The following TLK2 variants were observed in gnomAD, a reference collection of about 807,000 sequenced individuals.
TLK2 encodes the protein serine/threonine-protein kinase tousled-like 2.
TLK2 carries 6 observed loss-of-function variants against 117.3 expected under a neutral mutation model. The ratio of observed to expected loss-of-function variants is 0.05; its 90% CI spans 0.03 to 0.10. The LOEUF is 0.10. TLK2 is among the 10% of genes least tolerant of loss of function. The pLI, the probability that TLK2 is intolerant of heterozygous loss-of-function variation, is 1.00. For synonymous variants in TLK2, 257 were observed against 316.7 expected, an observed-to-expected ratio of 0.81 and a Z score of 2.00; for missense variants, 299 against 901.2, an observed-to-expected ratio of 0.33 and a Z score of 8.56.
chr17:62,553,857 T>A (rs1473214231), intron 9 of TLK2, 102 bp downstream of exon 9: 4 of 748,686 alleles, frequency 5.3e-6, no homozygotes, highest in African/African-American at 3.6e-5. Flanking sequence ...CAAATAACAA[T>A]GAAATAATAA....
At chr17:62,557,110 G>T (rs2146289209) in intron 9 of TLK2, among the ~76,000 whole-genome samples, 1 of 152,096 alleles carries the variant, frequency 6.6e-6, no homozygotes, top group Non-Finnish European at 1.5e-5. Flanking sequence ...TTTTTTGTAG[G>T]AACAGGGTCT....
intron 7 of TLK2, 151 bp from the exon 8 acceptor site, chr17:62,552,147 ACTTT>A: frequency 2.2e-6 from 2 of 889,966 alleles, no homozygotes; most frequent in Non-Finnish European, 3.5e-6. Context: ...GAATTGTTTT[ACTTT>A]CTTCTTGGCC....
chr17:62,585,955 A>G, intron 15 of TLK2, 180 bp from the exon 16 acceptor site: 1 of 506,460 alleles, frequency 2.0e-6, no homozygotes, highest in African/African-American at 1.9e-5. Flanking sequence ...GTGTCTGGAG[A>G]CTTCTAAATT....
chr17:62,590,670 G>A (rs1032437858), intron 16 of TLK2, among the ~76,000 whole-genome samples: 13 of 151,936 alleles, frequency 8.6e-5, no homozygotes, highest in Non-Finnish European at 1.5e-4. Context: ...TTTGAGATAG[G>A]GTCTCACTAT....
chr17:62,476,437 G>A (rs560342033), upstream of TLK2, among the ~76,000 whole-genome samples: 39 of 152,160 alleles, frequency 2.6e-4, no homozygotes, highest in South Asian at 8.3e-4. Flanking sequence ...CAAAAAATAA[G>A]CCAGGTGTGG....
intron 6 of TLK2, among the ~76,000 whole-genome samples, chr17:62,527,765 G>A (rs1356278325): frequency 6.7e-6 from 1 of 149,212 alleles, no homozygotes; most frequent in Non-Finnish European, 1.5e-5. Flanking sequence ...TTTTTGAGAC[G>A]GAGTTTCGCT....
At chr17:62,548,240 A>ATGTGTGTGTGTGTGTGTGTG (rs59375141) in intron 7 of TLK2, among the ~76,000 whole-genome samples, 11 of 121,234 alleles carry the variant, frequency 9.1e-5, no homozygotes, top group African/African-American at 3.1e-4. Context: ...ATATATATAT[A>ATGTGTGTGTGTGTGTGTGTG]TGTGTGTGTG....
chr17:62,499,551 G>A (rs570928989), intron 2 of TLK2, among the ~76,000 whole-genome samples: 1 of 151,810 alleles, frequency 6.6e-6, no homozygotes, highest in Non-Finnish European at 1.5e-5. Context: ...GCCATTTGTT[G>A]TATAGTATTA....
intron 2 of TLK2, among the ~76,000 whole-genome samples, chr17:62,490,745 T>G (rs2073028872): frequency 6.6e-6 from 1 of 152,126 alleles, no homozygotes; most frequent in Admixed American, 6.6e-5. Context: ...TTTCACCATG[T>G]TGGCCGGGCT....
intron 1 of TLK2, among the ~76,000 whole-genome samples, chr17:62,471,888 CTTTTTTTTTTTTTTTTT>C (rs869092720): frequency 7.9e-5 from 3 of 37,776 alleles, no homozygotes; most frequent in Non-Finnish European, 1.3e-4. Flanking sequence ...GTAGTATAGT[CTTTTTTTTTTTTTTTTT>C]TTTTTTTTTT....
intron 15 of TLK2, among the ~76,000 whole-genome samples, chr17:62,583,826 C>G (rs1197775062): frequency 6.6e-6 from 1 of 152,108 alleles, no homozygotes; most frequent in East Asian, 1.9e-4. Context: ...ATCTGCCTGC[C>G]TCGGCCTCCC....
chr17:62,489,144 C>T (rs2072817531), intron 2 of TLK2, among the ~76,000 whole-genome samples: 1 of 151,562 alleles, frequency 6.6e-6, no homozygotes, highest in Admixed American at 6.6e-5. Flanking sequence ...TCACAATTCA[C>T]ACGCCATTGC....
At chr17:62,587,238 T>C (rs1485019067) in intron 16 of TLK2, among the ~76,000 whole-genome samples, 2 of 152,214 alleles carry the variant, frequency 1.3e-5, no homozygotes, top group South Asian at 2.1e-4. Flanking sequence ...GCTCATTTGC[T>C]TTAGAGGCTA....
At position 62,580,105 on chromosome 17, in the gene TLK2, C is replaced by T. The variant is rs1251155994; in HGVS notation, c.1287-6C>T. ...TCAGGGTGTTACATGTTCCCTGTTT[C>T]CACAGATTTAAAGATCATCCAACGC... On this transcript the variant is annotated splice_region_variant and splice_polypyrimidine_tract_variant and intron_variant, in intron 14 of 21. Coordinates refer to ENST00000346027, the MANE Select transcript of TLK2 (RefSeq NM_006852.6). The T allele has an allele frequency of 6.2e-7, 1 of 1,610,176 alleles. No homozygotes were observed.
chr17:62,550,222 C>T (rs2078342289), intron 7 of TLK2: 1 of 152,278 alleles, frequency 6.6e-6, no homozygotes, highest in South Asian at 2.1e-4. Context: ...CTCAGGTCAT[C>T]CACCCACCTC....
intron 11 of TLK2, among the ~76,000 whole-genome samples, chr17:62,568,640 A>G (rs915302339): frequency 6.6e-6 from 1 of 151,426 alleles, no homozygotes; most frequent in Admixed American, 6.6e-5. Context: ...GCTGCAGTGC[A>G]GTGGTGCAAT....
chr17:62,594,753 C>T (rs964340741), intron 16 of TLK2, among the ~76,000 whole-genome samples: 1 of 151,906 alleles, frequency 6.6e-6, no homozygotes, highest in African/African-American at 2.4e-5. Context: ...AGGTGGGAGC[C>T]ACCCTAGACA....
At chr17:62,565,237 C>A in intron 11 of TLK2, 100 bp downstream of exon 11, 6 of 1,407,122 alleles carry the variant, frequency 4.3e-6, no homozygotes, top group Admixed American at 2.5e-5. Context: ...TATTGGTAGT[C>A]ATCTTTTCAG....
At chr17:62,584,498 T>G (rs983431709) in intron 15 of TLK2, among the ~76,000 whole-genome samples, 3 of 152,154 alleles carry the variant, frequency 2.0e-5, no homozygotes, top group African/African-American at 7.2e-5. Flanking sequence ...GGACTGAAGA[T>G]TCTTTAAGAA....
Sources: allele counts gnomAD v4.1 joint callset (sites outside exome capture counted in the v4.1 genomes callset), GRCh38; gene constraint gnomAD v4.1.1; transcripts MANE v1.5; gene names NCBI Gene and HGNC (gene_info 2026-07-23, HGNC 2026-07-21).